UGT2B7: variants seen among roughly 807,000 people sequenced by gnomAD.
The protein encoded by UGT2B7 is UDP-glucuronosyltransferase 2B7.
UGT2B7 carries 51 observed loss-of-function variants against 51.9 expected under a neutral mutation model. The ratio of observed to expected loss-of-function variants is 0.98; its 90% CI spans 0.78 to 1.24. UGT2B7 has a LOEUF of 1.24. Ranked by LOEUF, UGT2B7 falls within the 50% of genes most tolerant of loss-of-function variation. UGT2B7 has a pLI of 0.00. For synonymous variants in UGT2B7, 225 were observed against 211.6 expected, an observed-to-expected ratio of 1.06 and a Z score of -0.55; for missense variants, 727 against 628.4, an observed-to-expected ratio of 1.16 and a Z score of -1.68.
chr4:69,063,863 A>G (rs1286691580), intron 1 of UGT2B7, among the ~76,000 whole-genome samples: 1 of 151,912 alleles, frequency 6.6e-6, no homozygotes, highest in Non-Finnish European at 1.5e-5. Context: ...CACAGAATCC[A>G]TCGTTAACAG....
At chr4:69,063,273 C>A (rs1718395260) in intron 1 of UGT2B7, among the ~76,000 whole-genome samples, 1 of 130,844 alleles carries the variant, frequency 7.6e-6, no homozygotes, top group Non-Finnish European at 1.5e-5. Flanking sequence ...GAGCCGAGAT[C>A]GTGCCACTGT....
chr4:69,064,046 A>C (rs567003128), intron 1 of UGT2B7, among the ~76,000 whole-genome samples: 1,374 of 105,286 alleles, frequency 0.013, 22 homozygotes, highest in East Asian at 0.043. Context: ...GAAAGAAAGA[A>C]AGAAAGAAAG....
chr4:69,093,366 T>G (rs1719131474), upstream of UGT2B7, among the ~76,000 whole-genome samples: 1 of 152,190 alleles, frequency 6.6e-6, no homozygotes. Context: ...CCCACGCGGC[T>G]GAGAGTTCCA....
chr4:69,088,509 A>G (rs1285818862), intron 1 of UGT2B7, among the ~76,000 whole-genome samples: 1 of 152,120 alleles, frequency 6.6e-6, no homozygotes, highest in African/African-American at 2.4e-5. Flanking sequence ...TGAGATACTT[A>G]AGCAATAACT....
chr4:69,096,464 C>A, upstream of UGT2B7: 1 of 1,606,848 alleles, frequency 6.2e-7, no homozygotes, highest in Non-Finnish European at 8.5e-7. Context: ...TGGACATAAC[C>A]ATGAGAAATG....
At chr4:69,103,428 A>G (rs1399372223) in intron 3 of UGT2B7, among the ~76,000 whole-genome samples, 2 of 152,144 alleles carry the variant, frequency 1.3e-5, no homozygotes, top group Non-Finnish European at 2.9e-5. Flanking sequence ...CATCAGTGGG[A>G]ACTCAGTACT....
At chr4:69,078,943 A>G (rs1202282344) in intron 1 of UGT2B7, among the ~76,000 whole-genome samples, 1 of 152,166 alleles carries the variant, frequency 6.6e-6, no homozygotes, top group East Asian at 1.9e-4. Flanking sequence ...AGGAGGCTGC[A>G]CACTCTACCT....
At chr4:69,080,574 A>G (rs1232479151) in intron 1 of UGT2B7, among the ~76,000 whole-genome samples, 2 of 151,770 alleles carry the variant, frequency 1.3e-5, no homozygotes, top group East Asian at 1.9e-4. Context: ...AAATCTATCA[A>G]TGACTATACT....
chr4:69,090,831 G>T (rs1719069607), intron 2 of UGT2B7, among the ~76,000 whole-genome samples: 1 of 152,138 alleles, frequency 6.6e-6, no homozygotes, highest in African/African-American at 2.4e-5. Flanking sequence ...CTTGCTAAAG[G>T]AAAATCTTGA....
At chr4:69,084,103 T>C (rs982932428) in intron 1 of UGT2B7, among the ~76,000 whole-genome samples, 1 of 151,874 alleles carries the variant, frequency 6.6e-6, no homozygotes, top group African/African-American at 2.4e-5. Context: ...GTAAATTTTA[T>C]CAAATGCTTT....
chr4:69,077,332 T>C (rs1032016803), intron 1 of UGT2B7, among the ~76,000 whole-genome samples: 3 of 152,124 alleles, frequency 2.0e-5, no homozygotes, highest in Non-Finnish European at 4.4e-5. Flanking sequence ...AAGTCAATGA[T>C]AGCTTGATGG....
Position 69,097,442 on chromosome 4 carries a change from A to C in UGT2B7, c.721+201A>C, listed in dbSNP as rs12647681. Among the ~76,000 whole-genome samples, 87,172 of 151,388 alleles carry C rather than the reference A, an allele frequency of 0.58. 26,056 individuals carry two copies. Among genetic ancestry groups the C allele is most frequent in the African/African-American group, 0.71 (29,409 of 41,306 alleles). On this transcript the variant is annotated intron_variant, in intron 1 of 5. Coordinates refer to ENST00000305231, the MANE Select transcript of UGT2B7 (RefSeq NM_001074.4). ...GGTCAGTTAAAACCCTGTGGCCATC[A>C]CTCACACAGAACACCCCAGGAAATC...
intron 1 of UGT2B7, among the ~76,000 whole-genome samples, chr4:69,076,484 G>A (rs1056647859): frequency 9.9e-5 from 15 of 152,146 alleles, no homozygotes; most frequent in South Asian, 4.1e-4. Flanking sequence ...TCTAACTGGC[G>A]TGAGATGGTA....
rs1446281391 is a variant in UGT2B7 at position 69,096,751 on chromosome 4, T to C, written c.231T>C (p.Tyr77=). 6.2e-7 allele frequency: 1 copy of C among 1,613,928 alleles called. No individual in the cohort carries two copies. Among genetic ancestry groups the C allele is most frequent in the African/African-American group, 1.3e-5 (1 of 74,938 alleles). The change falls in exon 1 of 6, where the codon TAT becomes TAC. Residue 77 remains tyrosine (Y), a synonymous_variant. Transcript: ENST00000305231. ...CATCCGCTCTTAAAATTGAAATTTA[T>C]CCCACATCTTTAACTAAAACTGAGT... ...NNSSALKIEI[Y]PTSLTKTELE...
chr4:69,062,086 A>T (rs901246970), intron 1 of UGT2B7, among the ~76,000 whole-genome samples: 2 of 152,286 alleles, frequency 1.3e-5, no homozygotes, highest in African/African-American at 4.8e-5. Context: ...TGGAAGTTGC[A>T]TCCAGTCTAC....
intron 2 of UGT2B7, among the ~76,000 whole-genome samples, chr4:69,100,555 G>A (rs1331475432): frequency 6.6e-6 from 1 of 151,940 alleles, no homozygotes; most frequent in East Asian, 1.9e-4. Context: ...AGAGACAAAA[G>A]CTGAGGTAAG....
At chr4:69,064,194 C>T (rs552188270) in intron 1 of UGT2B7, among the ~76,000 whole-genome samples, 22 of 152,270 alleles carry the variant, frequency 1.4e-4, no homozygotes, top group African/African-American at 4.6e-4. Flanking sequence ...TTGTCCCAGA[C>T]GCAGCAACGG....
At chr4:69,101,936 C>T (rs1719430755) in intron 2 of UGT2B7, among the ~76,000 whole-genome samples, 1 of 152,150 alleles carries the variant, frequency 6.6e-6, no homozygotes, top group African/African-American at 2.4e-5. Context: ...GGTGCAAGTG[C>T]TGCCTCTGAG....
chr4:69,082,431 G>A (rs534177959), intron 1 of UGT2B7, among the ~76,000 whole-genome samples: 5 of 151,776 alleles, frequency 3.3e-5, no homozygotes, highest in South Asian at 2.1e-4. Context: ...CAAAGTTCAC[G>A]AAGGAAATTA....
Sources: allele counts gnomAD v4.1 joint callset (sites outside exome capture counted in the v4.1 genomes callset), GRCh38; gene constraint gnomAD v4.1.1; transcripts MANE v1.5; gene names NCBI Gene and HGNC (gene_info 2026-07-23, HGNC 2026-07-21).